Variants in ARHGAP31 observed in about 807,000 individuals in gnomAD.
ARHGAP31 encodes Rho GTPase activating protein 31, also known as rho GTPase-activating protein 31.
A neutral mutation model predicts 113.9 loss-of-function variants in ARHGAP31; 34 were observed. The ratio of observed to expected loss-of-function variants is 0.30; its 90% CI spans 0.23 to 0.40. The LOEUF (loss-of-function observed/expected upper bound fraction) is 0.40, where lower values mean the gene tolerates loss of function less well. Among genes scored for constraint, ARHGAP31 ranks in the 10% least tolerant of loss-of-function variants. ARHGAP31 has a pLI of 1.00. For missense variants in ARHGAP31, 1,548 were observed against 1,767.1 expected (o/e 0.88, Z 2.22); for synonymous variants, 650 against 684.8 (o/e 0.95, Z 0.79).
chr3:119,317,429 G>A (rs947201157), intron 1 of ARHGAP31, among the ~76,000 whole-genome samples: 1 of 152,044 alleles, frequency 6.6e-6, no homozygotes, highest in Non-Finnish European at 1.5e-5. Flanking sequence ...TGCCCACCTT[G>A]GCCCCCTAAA....
At chr3:119,377,012 C>G (rs1210311714) in intron 3 of ARHGAP31, among the ~76,000 whole-genome samples, 3 of 152,232 alleles carry the variant, frequency 2.0e-5, no homozygotes, top group Non-Finnish European at 1.5e-5. Context: ...TGCTGGTGTT[C>G]ATCACTATGG....
In ARHGAP31 at chr3:119,367,856, C is replaced by CAAAA. The variant is rs1398233400; in HGVS notation, c.204-511_204-508dup. Among the ~76,000 whole-genome samples, 30 of 111,290 alleles carry CAAAA rather than the reference C, an allele frequency of 2.7e-4. 1 individual carries two copies. Among genetic ancestry groups the CAAAA allele is most frequent in the South Asian group, 6.9e-4 (2 of 2,906 alleles). The allele number at this position is 111,290 out of a possible 152,430, so 73.0% of individuals were successfully genotyped here. On this transcript the variant is annotated intron_variant, in intron 2 of 11. Coordinates refer to ENST00000264245, the MANE Select transcript of ARHGAP31 (RefSeq NM_020754.4). ...TGGGTGACAGAGCGAGACTCCATCT[C>CAAAA]AAAAAAAAGAAAAAAAAAAAAAAAG...
At chr3:119,394,327 G>A (rs1005789525) in intron 8 of ARHGAP31, among the ~76,000 whole-genome samples, 3 of 152,030 alleles carry the variant, frequency 2.0e-5, no homozygotes, top group Admixed American at 6.6e-5. Context: ...TCTATTAATT[G>A]GAATTCTGCT....
chr3:119,383,845 G>A (rs1332175713), intron 6 of ARHGAP31, among the ~76,000 whole-genome samples: 4 of 152,208 alleles, frequency 2.6e-5, no homozygotes, highest in South Asian at 2.1e-4. Flanking sequence ...AACCCAGTTG[G>A]TAAAGACCAG....
chr3:119,295,072 C>G (rs1034203734), intron 1 of ARHGAP31, 68 bp downstream of exon 1: 7 of 1,460,738 alleles, frequency 4.8e-6, no homozygotes, highest in Non-Finnish European at 5.8e-6. Flanking sequence ...CGGACTCTCT[C>G]GAGTTGTGAT....
intron 1 of ARHGAP31, among the ~76,000 whole-genome samples, chr3:119,345,873 A>G (rs965329944): frequency 1.3e-5 from 2 of 152,180 alleles, no homozygotes; most frequent in African/African-American, 2.4e-5. Context: ...GGTGACACCT[A>G]TTCTAGAAAC....
intron 7 of ARHGAP31, among the ~76,000 whole-genome samples, chr3:119,392,829 T>C (rs181025212): frequency 6.6e-6 from 1 of 152,374 alleles, no homozygotes; most frequent in Non-Finnish European, 1.5e-5. Context: ...TCCAACCCTT[T>C]TCAGTCCGTG....
chr3:119,307,074 A>G (rs899648182), intron 1 of ARHGAP31, among the ~76,000 whole-genome samples: 1 of 150,760 alleles, frequency 6.6e-6, no homozygotes, highest in Non-Finnish European at 1.5e-5. Flanking sequence ...TAGATCCAGT[A>G]TAGTGAAACC....
chr3:119,324,565 C>T (rs1385265372), intron 1 of ARHGAP31, among the ~76,000 whole-genome samples: 1 of 152,178 alleles, frequency 6.6e-6, no homozygotes, highest in Non-Finnish European at 1.5e-5. Context: ...TTGCTGTATT[C>T]CACATGTGGT....
rs1270084134 is a variant in ARHGAP31, at chr3:119,418,537, T to A, written c.*2273T>A. ...TCAGAACTCTGAGCCAAATAATGAA[T>A]ATGTAAACTATTTTATGATTATTTT... On this transcript the variant is annotated 3_prime_UTR_variant, in exon 12 of 12. Transcript: ENST00000264245. 6.6e-6 allele frequency: 1 copy of A among 152,058 alleles called. No individual in the cohort carries two copies. Among genetic ancestry groups the A allele is most frequent in the Non-Finnish European group, 1.5e-5 (1 of 68,000 alleles). 9.4% of individuals were successfully genotyped at this position (152,058 alleles called of 1,614,324 possible).
intron 1 of ARHGAP31, among the ~76,000 whole-genome samples, chr3:119,304,199 A>G (rs1009081642): frequency 1.3e-5 from 2 of 152,184 alleles, no homozygotes; most frequent in African/African-American, 4.8e-5. Flanking sequence ...GTTTACAGAG[A>G]TGCTCTCAAG....
intron 4 of ARHGAP31, among the ~76,000 whole-genome samples, chr3:119,381,634 A>G (rs1028743332): frequency 6.6e-6 from 1 of 152,198 alleles, no homozygotes; most frequent in Non-Finnish European, 1.5e-5. Context: ...ATGAGAGCCT[A>G]TTTCAAAACT....
intron 1 of ARHGAP31, among the ~76,000 whole-genome samples, chr3:119,335,426 G>A (rs1328071258): frequency 6.6e-6 from 1 of 152,196 alleles, no homozygotes; most frequent in Non-Finnish European, 1.5e-5. Flanking sequence ...CGCAAGCCAA[G>A]TTTTGGAGAA....
chr3:119,328,478 C>T (rs886797489), intron 1 of ARHGAP31, among the ~76,000 whole-genome samples: 2 of 152,176 alleles, frequency 1.3e-5, no homozygotes, highest in African/African-American at 2.4e-5. Flanking sequence ...CAGTTAGCAA[C>T]ATCCTTATAC....
intron 1 of ARHGAP31, among the ~76,000 whole-genome samples, chr3:119,299,165 A>T (rs996251767): frequency 6.6e-6 from 1 of 151,700 alleles, no homozygotes; most frequent in Non-Finnish European, 1.5e-5. Context: ...GACAGCTTTA[A>T]GAAAAAAATG....
intron 1 of ARHGAP31, among the ~76,000 whole-genome samples, chr3:119,353,241 G>C (rs981802806): frequency 6.6e-6 from 1 of 152,068 alleles, no homozygotes; most frequent in Non-Finnish European, 1.5e-5. Context: ...CAAGACAGCT[G>C]GCTCTCTAAA....
chr3:119,323,264 G>T (rs1041642278), intron 1 of ARHGAP31, among the ~76,000 whole-genome samples: 1 of 152,214 alleles, frequency 6.6e-6, no homozygotes, highest in East Asian at 1.9e-4. Context: ...GCCCAGAAGC[G>T]GGGAAAGCCC....
At chr3:119,334,033 T>C (rs2079919301) in intron 1 of ARHGAP31, among the ~76,000 whole-genome samples, 1 of 152,196 alleles carries the variant, frequency 6.6e-6, no homozygotes, top group Non-Finnish European at 1.5e-5. Context: ...GACCCAGATG[T>C]GCCCTAGACA....
chr3:119,321,877 T>C (rs536393645), intron 1 of ARHGAP31, among the ~76,000 whole-genome samples: 18 of 152,240 alleles, frequency 1.2e-4, no homozygotes. Flanking sequence ...GGTCTTGAAC[T>C]TCTGACCTCG....
Sources: allele counts gnomAD v4.1 joint callset (sites outside exome capture counted in the v4.1 genomes callset), GRCh38; gene constraint gnomAD v4.1.1; transcripts MANE v1.5; gene names NCBI Gene and HGNC (gene_info 2026-07-23, HGNC 2026-07-21).